ARMC10: variants seen among roughly 807,000 people sequenced by gnomAD.
ARMC10 encodes the protein armadillo repeat-containing protein 10.
In ARMC10, 23 loss-of-function variants were observed where a neutral mutation model predicts 30.2. The ratio of observed to expected loss-of-function variants is 0.76; its 90% CI spans 0.55 to 1.08. The LOEUF is 1.08. Among genes scored for constraint, ARMC10 ranks in the 50% least tolerant of loss-of-function variants. The probability of loss-of-function intolerance (pLI) is 0.00; values close to 1 mark genes in which losing one functional copy is unlikely to be tolerated. For missense variants in ARMC10, 303 were observed against 413.7 expected (o/e 0.73, Z 2.32); for synonymous variants, 111 against 164.4 (o/e 0.68, Z 2.48).
At chr7:103,081,087 A>G (rs1054607552) in intron 2 of ARMC10, among the ~76,000 whole-genome samples, 3 of 152,230 alleles carry the variant, frequency 2.0e-5, no homozygotes, top group Non-Finnish European at 4.4e-5. Flanking sequence ...TTCTAGGTAC[A>G]AAAGTGCTTT....
Position 103,084,021 on chromosome 7 carries a change from T to G in ARMC10, c.393+191T>G, listed in dbSNP as rs1415956097. The G allele has an allele frequency of 2.7e-6, 4 of 1,508,324 alleles. No homozygotes were observed. The African/African-American group carries it at 5.5e-5, about 21-fold the overall frequency. The allele number at this position is 1,508,324 out of a possible 1,614,324, so 93.4% of individuals were successfully genotyped here. ...CCTAATAGTGATATGATTATTAATG[T>G]GATTATAGATCCCTATGAAGTTGGT... On this transcript the variant is annotated intron_variant, in intron 3 of 6. Coordinates refer to ENST00000323716, the MANE Select transcript of ARMC10 (RefSeq NM_031905.5).
intron 5 of ARMC10, 74 bp downstream of exon 5, chr7:103,092,727 G>T: frequency 1.8e-6 from 2 of 1,095,426 alleles, no homozygotes; most frequent in Non-Finnish European, 2.5e-6. Flanking sequence ...AAGTTGATGT[G>T]CCTCAAAGAG....
intron 1 of ARMC10, 68 bp from the exon 2 acceptor site, chr7:103,075,709 A>G: frequency 8.1e-7 from 1 of 1,231,054 alleles, no homozygotes; most frequent in Non-Finnish European, 1.1e-6. Flanking sequence ...TGTGTAACTA[A>G]AGGGATTCTC....
chr7:103,094,093 AGT>A (rs775680168), intron 5 of ARMC10, among the ~76,000 whole-genome samples: 18 of 152,342 alleles, frequency 1.2e-4, no homozygotes, highest in Admixed American at 3.9e-4. Flanking sequence ...TTAGTGGGAA[AGT>A]GTGTCTGATT....
At chr7:103,088,357 A>C (rs1801030427) in intron 4 of ARMC10, among the ~76,000 whole-genome samples, 1 of 152,206 alleles carries the variant, frequency 6.6e-6, no homozygotes, top group Admixed American at 6.5e-5. Context: ...TTGAATTAGC[A>C]TGTTTTAATC....
At chr7:103,094,085 A>T in intron 5 of ARMC10, among the ~76,000 whole-genome samples, 1 of 152,360 alleles carries the variant, frequency 6.6e-6, no homozygotes, top group South Asian at 2.1e-4. Context: ...TCCATTTGTT[A>T]GTGGGAAAGT....
intron 6 of ARMC10, among the ~76,000 whole-genome samples, 199 bp from the exon 7 acceptor site, chr7:103,098,100 C>T (rs1222796575): frequency 6.6e-6 from 1 of 152,046 alleles, no homozygotes; most frequent in Non-Finnish European, 1.5e-5. Context: ...CGTGGGGGTA[C>T]ATAAGGTTTT....
intron 3 of ARMC10, chr7:103,084,118 T>G: frequency 1.8e-6 from 2 of 1,132,430 alleles, no homozygotes; most frequent in Non-Finnish European, 2.4e-6. Context: ...TATTTAAAAT[T>G]CAGCAGTGCT....
Position 103,075,352 on chromosome 7 carries a change from T to C in ARMC10, c.80T>C (p.Leu27Pro). 2 of 1,270,070 alleles carry C rather than the reference T, an allele frequency of 1.6e-6. No homozygotes were observed. Among genetic ancestry groups the C allele is most frequent in the Non-Finnish European group, 9.9e-7 (1 of 1,007,070 alleles). The allele number at this position is 1,270,070 out of a possible 1,614,324, so 78.7% of individuals were successfully genotyped here. Residue 27 changes from leucine (L) to proline (P), a missense_variant, in exon 1 of 7, where the codon CTG becomes CCG. Around this residue, in one of 4 missense-constraint regions of ARMC10, gnomAD observed 96 missense variants for 84.2 expected, o/e 1.14. Coordinates refer to ENST00000323716, the MANE Select transcript of ARMC10 (RefSeq NM_031905.5). ...GGCGCCTGCTACTGCATTTACAGGC[T>C]GACCCGGGGTCGGCGGCGGGGCGAC... ...GAGACYCIYR[L>P]TRGRRRGDRE...
chr7:103,078,347 G>A (rs114485590), intron 2 of ARMC10, among the ~76,000 whole-genome samples: 2,118 of 152,240 alleles, frequency 0.014, 50 homozygotes, highest in African/African-American at 0.047. Flanking sequence ...ATTGAATCAC[G>A]GGGGCAGTTC....
Position 103,097,307 on chromosome 7 carries a change from T to C in ARMC10, c.736T>C (p.Ser246Pro), listed in dbSNP as rs1161270399. Residue 246 changes from serine to proline, a missense_variant, in exon 6 of 7, where the codon TCT becomes CCT. Around this residue, in one of 4 missense-constraint regions of ARMC10, gnomAD observed 170 missense variants for 207.2 expected, o/e 0.82. Coordinates refer to ENST00000323716, the MANE Select transcript of ARMC10 (RefSeq NM_031905.5). ...VQVLKLLLNL[S>P]ENPAMTEGLL... is the part of the protein sequence containing the mutation. The stretch of plus-strand genomic sequence containing the variant: ...AGTTTTGAAACTGCTTTTGAATTTG[T>C]CTGAAAATCCAGCCATGACAGAAGG... The C allele has an allele frequency of 1.2e-6, 2 of 1,613,822 alleles. No homozygotes were observed. Among genetic ancestry groups the C allele is most frequent in the Non-Finnish European group, 1.7e-6 (2 of 1,179,928 alleles).
At chr7:103,078,597 A>G (rs1034824485) in intron 2 of ARMC10, among the ~76,000 whole-genome samples, 2 of 152,258 alleles carry the variant, frequency 1.3e-5, no homozygotes, top group African/African-American at 4.8e-5. Context: ...TCATAGCAGC[A>G]TGAGAATGGA....
chr7:103,094,547 T>TAA (rs1801612091), intron 5 of ARMC10, among the ~76,000 whole-genome samples: 1 of 152,272 alleles, frequency 6.6e-6, no homozygotes, highest in South Asian at 2.1e-4. Flanking sequence ...TTAGTGGGTC[T>TAA]TAGATTTTGA....
chr7:103,085,680 C>T (rs536024465), intron 3 of ARMC10, among the ~76,000 whole-genome samples: 1 of 148,224 alleles, frequency 6.7e-6, no homozygotes, highest in African/African-American at 2.5e-5. Context: ...TGCAGTGGTG[C>T]AGTCTCAACT....
intron 2 of ARMC10, among the ~76,000 whole-genome samples, chr7:103,078,627 G>A (rs968026453): frequency 4.6e-5 from 7 of 152,120 alleles, no homozygotes; most frequent in Admixed American, 2.0e-4. Flanking sequence ...TCATCATCAC[G>A]CTTAGATTTC....
intron 4 of ARMC10, chr7:103,089,371 C>G (rs1238095360): frequency 1.1e-4 from 19 of 169,030 alleles, no homozygotes; most frequent in Admixed American, 1.0e-3. Context: ...AAAGTAGATG[C>G]ATTCCCTCCA....
intron 4 of ARMC10, among the ~76,000 whole-genome samples, chr7:103,088,191 A>C (rs1488865583): frequency 1.3e-5 from 2 of 152,212 alleles, no homozygotes; most frequent in Non-Finnish European, 2.9e-5. Flanking sequence ...CCCTTCCACA[A>C]GACGTATAGA....
In ARMC10 at chr7:103,098,619, G is replaced by C; in HGVS notation, c.*66G>C. 6.7e-7 allele frequency: 1 copy of C among 1,495,644 alleles called. No individual in the cohort carries two copies. Among genetic ancestry groups the C allele is most frequent in the South Asian group, 1.4e-5 (1 of 69,286 alleles). The allele number at this position is 1,495,644 out of a possible 1,614,324, so 92.6% of individuals were successfully genotyped here. ...AACGTATTTTCTGTCTTCCTTATAA[G>C]GGGATTCTCCCAGCTGCTAAATTTA... On this transcript the variant is annotated 3_prime_UTR_variant, in exon 7 of 7. Transcript: ENST00000323716.
At chr7:103,095,758 A>G (rs955275122) in intron 5 of ARMC10, 2 of 152,252 alleles carry the variant, frequency 1.3e-5, no homozygotes, top group African/African-American at 2.4e-5. Context: ...GCAGCCATAA[A>G]AAATGATGAG....
Sources: gnomAD v4.1 joint callset for allele counts (sites outside exome capture counted in the v4.1 genomes callset) on GRCh38, gnomAD v4.1.1 for gene constraint, gnomAD v4.1.1 regional missense constraint, MANE v1.5 for transcripts, NCBI Gene and HGNC (gene_info 2026-07-23, HGNC 2026-07-21) for gene names.